Variants in ZNF33B observed in about 807,000 individuals in gnomAD.
The protein encoded by ZNF33B is zinc finger protein 33B.
ZNF33B carries 29 observed loss-of-function variants against 45.8 expected under a neutral mutation model. The observed-to-expected ratio is 0.63, with a 90% confidence interval of 0.47 to 0.86. ZNF33B has a LOEUF of 0.86. Among genes scored for constraint, ZNF33B ranks in the 40% least tolerant of loss-of-function variants. ZNF33B has a pLI of 0.00. For synonymous variants in ZNF33B, 305 were observed against 307.8 expected (o/e 0.99, Z 0.10); for missense variants, 831 against 909.9 (o/e 0.91, Z 1.12).
At chr10:42,575,736 A>ATTTTT (rs796452502) in intron 1 of ZNF33B, among the ~76,000 whole-genome samples, 6 of 143,478 alleles carry the variant, frequency 4.2e-5, no homozygotes, top group Non-Finnish European at 7.6e-5. Flanking sequence ...ATACATATAT[A>ATTTTT]TTTTTTTTTT....
chr10:42,576,882 C>T (rs1836756111), intron 1 of ZNF33B, among the ~76,000 whole-genome samples: 1 of 151,802 alleles, frequency 6.6e-6, no homozygotes, highest in Non-Finnish European at 1.5e-5. Flanking sequence ...CCTATAATCC[C>T]AGCACTTTGG....
At chr10:42,638,360 T>G (rs1839440890) in intron 1 of ZNF33B, 114 bp downstream of exon 1, 1 of 314,200 alleles carries the variant, frequency 3.2e-6, no homozygotes, top group African/African-American at 2.2e-5. Flanking sequence ...GTCCCCGGCT[T>G]CTCCGTGAGG....
intron 4 of ZNF33B, among the ~76,000 whole-genome samples, chr10:42,602,240 T>A (rs1837660512): frequency 6.6e-6 from 1 of 152,034 alleles, no homozygotes; most frequent in Admixed American, 6.6e-5. Flanking sequence ...GTATTTTTCA[T>A]CTCAAGCATT....
chr10:42,578,080 G>T (rs1836774171), intron 1 of ZNF33B, among the ~76,000 whole-genome samples: 1 of 91,090 alleles, frequency 1.1e-5, no homozygotes, highest in African/African-American at 2.6e-5. Context: ...CTGGGGAAAT[G>T]AGGAAACAGA....
At position 42,575,792 on chromosome 10, in the gene ZNF33B, G is replaced by C. The variant is rs539271998; in HGVS notation, c.74-1114C>G. Among the ~76,000 whole-genome samples the C allele has an allele frequency of 4.1e-3, 622 of 150,156 alleles. 3 individuals carry two copies. The highest frequency in any genetic ancestry group is 0.027 in the Middle Eastern group (8 of 292). On this transcript the variant is annotated intron_variant, in intron 1 of 1. Transcript: ENST00000462075. ...GTAGCCCAAGCTGGAGTGCACTAGAGCAATCTCAGCTCACCACGACATCTG... is the reference window on the plus strand; with the variant it reads ...GTAGCCCAAGCTGGAGTGCACTAGACCAATCTCAGCTCACCACGACATCTG...
At chr10:42,582,105 C>T (rs1214870901) in intron 1 of ZNF33B, 1 of 152,092 alleles carries the variant, frequency 6.6e-6, no homozygotes, top group Non-Finnish European at 1.5e-5. Flanking sequence ...ATTGCAGCGA[C>T]ACTCTGTCTC....
At chr10:42,636,724 G>A in intron 2 of ZNF33B, 196 bp downstream of exon 2, 1 of 658,854 alleles carries the variant, frequency 1.5e-6, no homozygotes, top group South Asian at 2.0e-5. Flanking sequence ...GGAGGCTGAG[G>A]CAGGTGAATT....
chr10:42,629,558 C>A (rs550430153), intron 4 of ZNF33B, among the ~76,000 whole-genome samples: 1 of 152,160 alleles, frequency 6.6e-6, no homozygotes, highest in East Asian at 1.9e-4. Context: ...ATCTCCTGTA[C>A]CCCAAAAATA....
chr10:42,612,952 G>A (rs1296119800), intron 4 of ZNF33B, among the ~76,000 whole-genome samples: 1 of 152,116 alleles, frequency 6.6e-6, no homozygotes, highest in Non-Finnish European at 1.5e-5. Context: ...TGTATTTCAA[G>A]GAATTACCCA....
In ZNF33B at chr10:42,594,074, T is replaced by C. The variant is rs1837282545; in HGVS notation, c.876A>G (p.Lys292=). 6.2e-7 allele frequency: 1 copy of C among 1,613,936 alleles called. No individual in the cohort carries two copies. The highest frequency in any genetic ancestry group is 1.3e-5 in the African/African-American group (1 of 74,910). ...KFLCVKSTLS[K]HDGVPVKHYD... ...AGTGTTTCACAGGTACCCCATCATG[T>C]TTAGAAAGGGTGGACTTCACACATA... Residue 292 remains lysine, a synonymous_variant, in exon 5 of 5, where the codon AAA becomes AAG. Transcript: ENST00000359467.
At chr10:42,575,810 G>A (rs796508633) in intron 1 of ZNF33B, among the ~76,000 whole-genome samples, 33 of 149,904 alleles carry the variant, frequency 2.2e-4, no homozygotes, top group African/African-American at 7.4e-4. Flanking sequence ...AGCTCACCAC[G>A]ACATCTGCTT....
intron 4 of ZNF33B, among the ~76,000 whole-genome samples, chr10:42,606,454 G>A (rs1411706233): frequency 6.6e-6 from 1 of 152,086 alleles, no homozygotes; most frequent in Non-Finnish European, 1.5e-5. Flanking sequence ...AACAAAGCGA[G>A]ACTCCATCTC....
At chr10:42,599,629 C>T (rs1016026795) in intron 4 of ZNF33B, among the ~76,000 whole-genome samples, 2 of 151,858 alleles carry the variant, frequency 1.3e-5, no homozygotes, top group Admixed American at 6.6e-5. Context: ...TTCATATATG[C>T]ATTTACATAT....
chr10:42,591,074 C>T lies in ZNF33B; in HGVS notation c.*1539G>A, dbSNP rs1837102053. ...CATGTAATGTAGTGTACAATCTTCACACTGTCAATAAAAGCCCCATGCCAG... is the reference window on the plus strand; with the variant it reads ...CATGTAATGTAGTGTACAATCTTCATACTGTCAATAAAAGCCCCATGCCAG... On this transcript the variant is annotated 3_prime_UTR_variant, in exon 5 of 5. Coordinates refer to ENST00000359467, the MANE Select transcript of ZNF33B (RefSeq NM_006955.3). 8.8e-6 allele frequency: 2 copies of T among 226,258 alleles called. No individual in the cohort carries two copies. Among genetic ancestry groups the T allele is most frequent in the African/African-American group, 2.3e-5 (1 of 42,882 alleles). The allele number at this position is 226,258 out of a possible 1,614,324, so 14.0% of individuals were successfully genotyped here. A position where few individuals can be genotyped will look rare whatever the true frequency, so the allele number is the denominator to read the frequency against.
downstream of ZNF33B, among the ~76,000 whole-genome samples, chr10:42,587,525 G>A (rs1253833505): frequency 1.3e-5 from 2 of 152,120 alleles, no homozygotes; most frequent in African/African-American, 4.8e-5. Flanking sequence ...AAAGTGCTGC[G>A]ATTTGTTGAG....
intron 4 of ZNF33B, among the ~76,000 whole-genome samples, chr10:42,629,054 C>T (rs1838934139): frequency 6.6e-6 from 1 of 152,182 alleles, no homozygotes; most frequent in African/African-American, 2.4e-5. Flanking sequence ...TTGGAATCAA[C>T]TGAAGTGTCC....
chr10:42,595,823 C>T (rs1837378096), intron 4 of ZNF33B, among the ~76,000 whole-genome samples: 1 of 152,134 alleles, frequency 6.6e-6, no homozygotes, highest in African/African-American at 2.4e-5. Context: ...GCTGTTGTCA[C>T]CTTGACTTTA....
rs1313010687 is a variant in ZNF33B, at chr10:42,589,600, T to C, written c.*3013A>G. ...TAACAATAAGCATTTAGGGTTCCTATATGTCTTTTAATGACTTGATGTCTA... is the reference window on the plus strand; with the variant it reads ...TAACAATAAGCATTTAGGGTTCCTACATGTCTTTTAATGACTTGATGTCTA... On this transcript the variant is annotated 3_prime_UTR_variant, in exon 5 of 5. Coordinates refer to ENST00000359467, the MANE Select transcript of ZNF33B (RefSeq NM_006955.3). 2 of 152,242 alleles carry C rather than the reference T, an allele frequency of 1.3e-5. No homozygotes were observed. The highest frequency in any genetic ancestry group is 2.9e-5 in the Non-Finnish European group (2 of 68,048). 9.4% of individuals were successfully genotyped at this position (152,242 alleles called of 1,614,324 possible).
At chr10:42,611,326 G>C (rs1373236216) in intron 4 of ZNF33B, among the ~76,000 whole-genome samples, 1 of 151,926 alleles carries the variant, frequency 6.6e-6, no homozygotes, top group Non-Finnish European at 1.5e-5. Flanking sequence ...GGGTGACGGA[G>C]TGAGACTCCG....
Sources: allele counts gnomAD v4.1 joint callset (sites outside exome capture counted in the v4.1 genomes callset), GRCh38; gene constraint gnomAD v4.1.1; transcripts MANE v1.5; gene names NCBI Gene and HGNC (gene_info 2026-07-23, HGNC 2026-07-21).